The following AKAP17A variants were observed in gnomAD, a reference collection of about 807,000 sequenced individuals.
AKAP17A encodes A-kinase anchoring protein 17A.
In AKAP17A, 15 loss-of-function variants were observed where a neutral mutation model predicts 52.2. The observed-to-expected ratio is 0.29, with a 90% CI of 0.19 to 0.44. The LOEUF is 0.44. Among genes scored for constraint, AKAP17A ranks in the 20% least tolerant of loss-of-function variants. The pLI, the probability that AKAP17A is intolerant of heterozygous loss-of-function variation, is 1.00. For missense variants in AKAP17A, 1,060 were observed against 1,007.0 expected (o/e 1.05, Z -0.71); for synonymous variants, 514 against 424.7 (o/e 1.21, Z -2.58).
At chrX:1,597,526 C>T (rs1205519728) in intron 3 of AKAP17A, among the ~76,000 whole-genome samples, 1 of 152,042 alleles carries the variant, frequency 6.6e-6, no homozygotes, top group Non-Finnish European at 1.5e-5. Flanking sequence ...CCGAGCAGGA[C>T]AGCTGGGGTG....
At chrX:1,598,616 C>G (rs1231964397) in intron 3 of AKAP17A, among the ~76,000 whole-genome samples, 1 of 152,140 alleles carries the variant, frequency 6.6e-6, no homozygotes, top group Non-Finnish European at 1.5e-5. Flanking sequence ...GGACCGCGCC[C>G]CTCCCCGGCC....
Position 1,601,398 on chromosome X carries a change from A to T in AKAP17A, c.1892A>T (p.Asp631Val). 6.4e-7 allele frequency: 1 copy of T among 1,565,182 alleles called. No individual in the cohort carries two copies. The highest frequency in any genetic ancestry group is 2.3e-5 in the East Asian group (1 of 44,234). ...RRPHKKHAYK[D>V]DSPRRRSTSP... ...CCCCACAAGAAGCACGCCTACAAGG[A>T]TGACAGCCCCCGCCGGCGCAGCACG... The change falls in exon 5 of 5, where the codon GAT becomes GTT. Residue 631 changes from aspartate to valine, a missense_variant. This residue lies in a region of AKAP17A where 793 missense variants were observed against 629.9 expected (regional missense o/e 1.26). Coordinates refer to ENST00000313871, the MANE Select transcript of AKAP17A (RefSeq NM_005088.3).
chrX:1,594,284 A>G (rs1932898221), intron 2 of AKAP17A, 60 bp downstream of exon 2: 1 of 1,491,588 alleles, frequency 6.7e-7, no homozygotes, highest in South Asian at 1.4e-5. Flanking sequence ...TCCTTCCAGC[A>G]GGGTCAGCAG....
At position 1,600,663 on chromosome X, in the gene AKAP17A, T is replaced by G. The variant is rs1336408820; in HGVS notation, c.1157T>G (p.Val386Gly). The G allele has an allele frequency of 2.0e-6, 3 of 1,537,622 alleles. No individual in the cohort carries two copies. The highest frequency in any genetic ancestry group is 2.6e-6 in the Non-Finnish European group (3 of 1,141,268). ...GCACTTTCCTCTTCCCCGCAGGCTG[T>G]GAAGCTACGGGAACAGGAGCAGAAG... ...IAELLSRAKA[V>G]KLREQEQKEE... The change falls in exon 5 of 5, where the codon GTG becomes GGG. Residue 386 changes from valine to glycine, a missense_variant. Coordinates refer to ENST00000313871, the MANE Select transcript of AKAP17A (RefSeq NM_005088.3).
chrX:1,593,047 C>G (rs1199488229), intron 1 of AKAP17A, among the ~76,000 whole-genome samples: 1 of 152,144 alleles, frequency 6.6e-6, no homozygotes, highest in African/African-American at 2.4e-5. Flanking sequence ...TCCCCAGTGT[C>G]TCTCTGCCCC....
Position 1,601,381 on chromosome X carries a change from G to A in AKAP17A, c.1875G>A (p.Lys625=), listed in dbSNP as rs762635211. 1.3e-6 allele frequency: 2 copies of A among 1,572,446 alleles called. No individual in the cohort carries two copies. Among genetic ancestry groups the A allele is most frequent in the Non-Finnish European group, 8.6e-7 (1 of 1,165,480 alleles). Residue 625 remains lysine, a synonymous_variant, in exon 5 of 5, where the codon AAG becomes AAA. Transcript: ENST00000313871. ...GRPRKERRPH[K]KHAYKDDSPR... ...CACGCAAGGAGCGGCGGCCCCACAA[G>A]AAGCACGCCTACAAGGATGACAGCC...
In AKAP17A at chrX:1,600,942, TGAGCGCCACCAC is replaced by T. The variant is rs1174298670; in HGVS notation, c.1438_1449del (p.Ser480_Thr483del). 4 of 1,580,700 alleles carry T rather than the reference TGAGCGCCACCAC, an allele frequency of 2.5e-6. No individual in the cohort carries two copies. Among genetic ancestry groups the T allele is most frequent in the Non-Finnish European group, 3.4e-6 (4 of 1,166,278 alleles). On this transcript the variant is annotated inframe_deletion, in exon 5 of 5. Coordinates refer to ENST00000313871, the MANE Select transcript of AKAP17A (RefSeq NM_005088.3). ...CTGCAGACCGTGTCGTCCGGCTGTG[TGAGCGCCACCAC>T]GCTGCACCCCCTCGGGGGCCAGCCC...
At chrX:1,597,701 G>A (rs759895765) in intron 3 of AKAP17A, among the ~76,000 whole-genome samples, 8 of 152,212 alleles carry the variant, frequency 5.3e-5, no homozygotes, top group East Asian at 1.9e-4. Context: ...AGCAGCTTGC[G>A]GGTGCGGAGA....
Position 1,592,820 on chromosome X carries a change from C to T in AKAP17A, c.-19-624C>T, listed in dbSNP as rs750047807. ...GAAAGAAGGCGCAGACGGGGGACTC[C>T]GGCCCCTAACTTGTGGAAAGTTCGT... On this transcript the variant is annotated intron_variant, in intron 1 of 4. Coordinates refer to ENST00000313871, the MANE Select transcript of AKAP17A (RefSeq NM_005088.3). Among the ~76,000 whole-genome samples the T allele has an allele frequency of 2.6e-5, 4 of 152,264 alleles. No individual in the cohort carries two copies. In the South Asian group the frequency reaches 8.3e-4, roughly 32 times the overall value.
rs753807242 is a variant in AKAP17A, at chrX:1,599,175, C to G, written c.912-17C>G. The G allele has an allele frequency of 1.8e-5, 29 of 1,610,008 alleles. No homozygotes were observed. The highest frequency in any genetic ancestry group is 2.5e-5 in the Non-Finnish European group (29 of 1,178,980). On this transcript the variant is annotated splice_polypyrimidine_tract_variant and intron_variant, in intron 3 of 4. Transcript: ENST00000313871. Reference sequence around the variant, plus strand: ...CTGCGGCGCTCTCTGTGACCACCCCCGGTGTGTTCCACACAGGAAACAAAA... The same window carrying G: ...CTGCGGCGCTCTCTGTGACCACCCCGGGTGTGTTCCACACAGGAAACAAAA...
Position 1,599,211 on chromosome X carries a change from G to C in AKAP17A, c.931G>C (p.Glu311Gln). The part of the protein sequence containing the change: ...AEERKQKELE[E>Q]LERERKREEK... Reference sequence around the variant, plus strand: ...ACACAGGAAACAAAAGGAGCTGGAAGAGCTGGAGCGAGAGAGGAAAAGAGA... The same window carrying C: ...ACACAGGAAACAAAAGGAGCTGGAACAGCTGGAGCGAGAGAGGAAAAGAGA... Residue 311 changes from glutamate to glutamine, a missense_variant, in exon 4 of 5, where the codon GAG (glutamate) becomes CAG (glutamine). Glu to Gln is a conservative substitution (Grantham distance 29, BLOSUM62 2). Coordinates refer to ENST00000313871, the MANE Select transcript of AKAP17A (RefSeq NM_005088.3). The C allele has an allele frequency of 1.9e-6, 3 of 1,612,172 alleles. No individual in the cohort carries two copies. Among genetic ancestry groups the C allele is most frequent in the Admixed American group, 1.7e-5 (1 of 59,922 alleles).
chrX:1,599,055 T>C, intron 3 of AKAP17A, 137 bp from the exon 4 acceptor site: 1 of 1,384,702 alleles, frequency 7.2e-7, no homozygotes, highest in Non-Finnish European at 9.7e-7. Context: ...TCAACCGAGG[T>C]CCACCTTGGG....
At position 1,599,375 on chromosome X, in the gene AKAP17A, G is replaced by T; in HGVS notation, c.1095G>T (p.Leu365=). The T allele has an allele frequency of 6.3e-7, 1 of 1,584,476 alleles. No homozygotes were observed. The highest frequency in any genetic ancestry group is 8.6e-7 in the Non-Finnish European group (1 of 1,166,536). Residue 365 remains leucine, a synonymous_variant, in exon 4 of 5, where the codon CTG becomes CTT. Transcript: ENST00000313871. ...AGCTGGAGGAGCGCAAGCTGCTGCT[G>T]GCCCAGAGGAACCTGCAGTCCATCC... ...KIKLEERKLL[L]AQRNLQSIRL... is the part of the protein sequence containing the mutation.
intron 2 of AKAP17A, 118 bp downstream of exon 2, chrX:1,594,342 A>G (rs1309796996): frequency 2.0e-5 from 25 of 1,222,580 alleles, no homozygotes; most frequent in Non-Finnish European, 2.7e-5. Flanking sequence ...CCCCTAAGTA[A>G]AATGGCAGCA....
In AKAP17A at chrX:1,599,906, G is replaced by A. The variant is rs181385845; in HGVS notation, c.1152+474G>A. 3.9e-4 allele frequency: 213 copies of A among 546,708 alleles called. 1 individual carries two copies. The highest frequency in any genetic ancestry group is 2.7e-3 in the South Asian group (136 of 50,028). 33.9% of individuals were successfully genotyped at this position (546,708 alleles called of 1,614,324 possible). A position where few individuals can be genotyped will look rare whatever the true frequency, so the allele number is the denominator to read the frequency against. On this transcript the variant is annotated intron_variant, in intron 4 of 4. Coordinates refer to ENST00000313871, the MANE Select transcript of AKAP17A (RefSeq NM_005088.3). ...TGGGCCCGGGTCCCTCCTCCGCAGCGTGAACCTGACAGGTCTCACCAGCGC... is the reference window on the plus strand; with the variant it reads ...TGGGCCCGGGTCCCTCCTCCGCAGCATGAACCTGACAGGTCTCACCAGCGC...
rs1426829137 is a variant in AKAP17A at position 1,595,537 on chromosome X, C to T, written c.911+5C>T. 1.2e-6 allele frequency: 2 copies of T among 1,613,662 alleles called. No homozygotes were observed. The highest frequency in any genetic ancestry group is 2.2e-5 in the East Asian group (1 of 44,866). On this transcript the variant is annotated splice_donor_5th_base_variant and intron_variant, in intron 3 of 4. Coordinates refer to ENST00000313871, the MANE Select transcript of AKAP17A (RefSeq NM_005088.3). Reference sequence around the variant, plus strand: ...GAGGCAGCGAGCGGAGGAAAGGTACCTTCTGCGGGAGCGGGCCCTCGGCGC... The same window carrying T: ...GAGGCAGCGAGCGGAGGAAAGGTACTTTCTGCGGGAGCGGGCCCTCGGCGC...
rs1235087994 is a variant in AKAP17A at position 1,601,229 on chromosome X, G to C, written c.1723G>C (p.Glu575Gln). The C allele has an allele frequency of 6.2e-7, 1 of 1,613,886 alleles. No individual in the cohort carries two copies. The change falls in exon 5 of 5, where the codon GAA becomes CAA. Residue 575 changes from glutamate to glutamine, a missense_variant. Coordinates refer to ENST00000313871, the MANE Select transcript of AKAP17A (RefSeq NM_005088.3). ...TGTCTCCAGAAAGGACACCCGGTCA[G>C]AACAGGACAAGTGCAACCGGGAGCC... is the stretch of plus-strand genomic sequence containing the variant. ...QNVSRKDTRS[E>Q]QDKCNREPSK...
intron 4 of AKAP17A, chrX:1,600,070 C>A: frequency 2.0e-6 from 2 of 1,001,918 alleles, no homozygotes; most frequent in Non-Finnish European, 2.8e-6. Context: ...CGCTCCTTGT[C>A]CTCAGGAGGG....
In AKAP17A at chrX:1,593,538, C is replaced by T. The variant is rs1932877812; in HGVS notation, c.76C>T (p.Pro26Ser). 6.2e-7 allele frequency: 1 copy of T among 1,613,496 alleles called. No homozygotes were observed. The highest frequency in any genetic ancestry group is 8.5e-7 in the Non-Finnish European group (1 of 1,179,862). ...LCPAYGLYLK[P>S]ITKMTISVAL... is the part of the protein sequence containing the mutation. The stretch of plus-strand genomic sequence containing the variant: ...CCCTGCTTACGGCTTGTACCTGAAG[C>T]CCATCACCAAGATGACCATCAGCGT... Residue 26 changes from proline (P) to serine (S), a missense_variant, in exon 2 of 5, where the codon CCC (proline) becomes TCC (serine). Pro to Ser is a moderately conservative substitution (Grantham distance 74, BLOSUM62 -1). This residue lies in a region of AKAP17A where 267 missense variants were observed against 377.1 expected (regional missense o/e 0.71). Coordinates refer to ENST00000313871, the MANE Select transcript of AKAP17A (RefSeq NM_005088.3).
Sources: allele counts gnomAD v4.1 joint callset (sites outside exome capture counted in the v4.1 genomes callset), GRCh38; gene constraint gnomAD v4.1.1; regional missense constraint gnomAD v4.1.1; transcripts MANE v1.5; gene names NCBI Gene and HGNC (gene_info 2026-07-23, HGNC 2026-07-21).